The following BPIFC variants were observed in gnomAD, a reference collection of about 807,000 sequenced individuals.
BPIFC encodes BPI fold containing family C.
Under a neutral mutation model 57.6 loss-of-function variants are expected in BPIFC, and 60 were observed. The observed-to-expected ratio is 1.04, with a 90% CI of 0.85 to 1.29. BPIFC has a LOEUF of 1.29. Ranked by LOEUF, BPIFC falls within the 50% of genes most tolerant of loss-of-function variation. BPIFC has a pLI of 0.00. For synonymous variants in BPIFC, 243 were observed against 224.5 expected (o/e 1.08, Z -0.74); for missense variants, 581 against 600.5 (o/e 0.97, Z 0.34).
In BPIFC at chr22:32,414,455, T is replaced by C. The variant is rs954910574; in HGVS notation, c.1402-30A>G. ...AAAGGATGTGACAATGAAGATAACG[T>C]CAAAACTTGGGCATGTCTGGGTTTG... On this transcript the variant is annotated intron_variant, in intron 16 of 16. Coordinates refer to ENST00000300399, the MANE Select transcript of BPIFC (RefSeq NM_174932.3). 13 of 1,609,626 alleles carry C rather than the reference T, an allele frequency of 8.1e-6. No homozygotes were observed. The African/African-American group carries it at 9.4e-5, about 12-fold the overall frequency.
Position 32,420,335 on chromosome 22 carries a change from A to G in BPIFC, c.1218-931T>C, listed in dbSNP as rs1305757044. On this transcript the variant is annotated intron_variant, in intron 13 of 16. Coordinates refer to ENST00000300399, the MANE Select transcript of BPIFC (RefSeq NM_174932.3). ...TCCGTCTCAAAAAAAAAAAAAAAAA[A>G]TAGTTTTCAGGTTTCTGGCTCTGAA... 4.6e-5 allele frequency among the ~76,000 whole-genome samples: 3 copies of G among 64,666 alleles called. 1 individual carries two copies. The highest frequency in any genetic ancestry group is 1.0e-4 in the Non-Finnish European group (3 of 29,030). The allele number at this position is 64,666 out of a possible 152,430, so 42.4% of individuals were successfully genotyped here. A position where few individuals can be genotyped will look rare whatever the true frequency, so the allele number is the denominator to read the frequency against.
Position 32,414,388 on chromosome 22 carries a change from G to A in BPIFC, c.1439C>T (p.Thr480Ile), listed in dbSNP as rs1447358435. 3 of 1,614,046 alleles carry A rather than the reference G, an allele frequency of 1.9e-6. No individual in the cohort carries two copies. The highest frequency in any genetic ancestry group is 1.7e-5 in the Admixed American group (1 of 60,014). Residue 480 changes from threonine to isoleucine, a missense_variant, in exon 17 of 17, where the codon ACA becomes ATA. Coordinates refer to ENST00000300399, the MANE Select transcript of BPIFC (RefSeq NM_174932.3). ...LLISTDLKYE[T>I]SSKQQPSFHV... ...GAAACTTGGCTGCTGCTTTGAGGAT[G>A]TTTCATACTTCAGGTCGGTGGAAAT...
intron 12 of BPIFC, 25 bp from the exon 13 acceptor site, chr22:32,431,439 A>ATTTATTTATTTTTTTTTATTTTTTTT: frequency 7.4e-7 from 1 of 1,343,078 alleles, no homozygotes; most frequent in Non-Finnish European, 1.1e-6. Context: ...AGCATTTATT[A>ATTTATTTATTTTTTTTTATTTTTTTT]TTAAGACGAG....
At chr22:32,452,464 G>A (rs905019000) in intron 4 of BPIFC, among the ~76,000 whole-genome samples, 10 of 151,520 alleles carry the variant, frequency 6.6e-5, no homozygotes, top group Non-Finnish European at 8.8e-5. Context: ...GTGAAACCCC[G>A]TCTCTACTAA....
chr22:32,427,326 C>T (rs1934096287), intron 13 of BPIFC, among the ~76,000 whole-genome samples: 1 of 152,160 alleles, frequency 6.6e-6, no homozygotes, highest in East Asian at 1.9e-4. Flanking sequence ...GGTCTCCATG[C>T]TTCTTAAAGT....
At chr22:32,454,322 A>C (rs1398692366) in intron 3 of BPIFC, among the ~76,000 whole-genome samples, 3 of 152,210 alleles carry the variant, frequency 2.0e-5, no homozygotes, top group Non-Finnish European at 4.4e-5. Flanking sequence ...TGAAATTCTA[A>C]TAAAAAACTG....
intron 10 of BPIFC, among the ~76,000 whole-genome samples, chr22:32,434,817 C>G (rs1394284646): frequency 6.6e-6 from 1 of 152,072 alleles, no homozygotes; most frequent in Non-Finnish European, 1.5e-5. Context: ...TGAGGAGATT[C>G]AAAAAGAGAT....
At chr22:32,438,453 A>G (rs1934472141) in intron 8 of BPIFC, among the ~76,000 whole-genome samples, 1 of 152,194 alleles carries the variant, frequency 6.6e-6, no homozygotes, top group South Asian at 2.1e-4. Context: ...GTGCAGTGGT[A>G]CAATCTCAGC....
chr22:32,421,446 C>T (rs1933844542), intron 13 of BPIFC, among the ~76,000 whole-genome samples: 1 of 152,168 alleles, frequency 6.6e-6, no homozygotes, highest in South Asian at 2.1e-4. Flanking sequence ...CTATGGCTCA[C>T]TTTTGCCCAG....
chr22:32,446,047 G>A (rs377601551), intron 5 of BPIFC, 51 bp from the exon 6 acceptor site: 12 of 1,591,836 alleles, frequency 7.5e-6, no homozygotes, highest in Middle Eastern at 3.5e-4. Flanking sequence ...CACAGAGATG[G>A]ATCTTGTTTC....
intron 16 of BPIFC, 54 bp from the exon 17 acceptor site, chr22:32,414,479 T>A: frequency 1.9e-6 from 3 of 1,595,136 alleles, no homozygotes; most frequent in Non-Finnish European, 2.6e-6. Flanking sequence ...TGTCTGGGTT[T>A]GTCTGAGGCG....
chr22:32,432,955 C>T (rs1205198665), intron 11 of BPIFC, among the ~76,000 whole-genome samples: 3 of 152,140 alleles, frequency 2.0e-5, no homozygotes, highest in African/African-American at 7.2e-5. Context: ...GTAATCCTAG[C>T]ACGTTGGGAG....
Position 32,442,836 on chromosome 22 carries a change from C to G in BPIFC, c.595-105G>C, listed in dbSNP as rs1009841822. The G allele has an allele frequency of 1.8e-5, 19 of 1,053,566 alleles. No individual in the cohort carries two copies. The African/African-American group carries it at 2.2e-4, about 12-fold the overall frequency. 65.3% of individuals were successfully genotyped at this position (1,053,566 alleles called of 1,614,324 possible). ...AAACAAAGGCCTTCTGGTTAGCAGT[C>G]ATTATCCCTTTGGTCATCGAGACAT... is the stretch of plus-strand genomic sequence containing the variant. On this transcript the variant is annotated intron_variant, in intron 7 of 16. Coordinates refer to ENST00000300399, the MANE Select transcript of BPIFC (RefSeq NM_174932.3).
intron 10 of BPIFC, among the ~76,000 whole-genome samples, chr22:32,435,225 T>C (rs1386163499): frequency 1.3e-5 from 2 of 152,132 alleles, no homozygotes; most frequent in African/African-American, 2.4e-5. Context: ...CTTGCTATTA[T>C]TGGAGATTAA....
At chr22:32,439,325 A>G (rs1001175121) in intron 8 of BPIFC, among the ~76,000 whole-genome samples, 5 of 108,286 alleles carry the variant, frequency 4.6e-5, no homozygotes, top group African/African-American at 3.0e-4. Flanking sequence ...AACTCCGTCT[A>G]AAAAAAAAAA....
chr22:32,445,713 G>GGAA lies in BPIFC; in HGVS notation c.531-16_531-15insTTC. 1.4e-6 allele frequency: 1 copy of GGAA among 707,314 alleles called. No homozygotes were observed. The highest frequency in any genetic ancestry group is 3.9e-5 in the East Asian group (1 of 25,768). 43.8% of individuals were successfully genotyped at this position (707,314 alleles called of 1,614,324 possible). ...TATACAGAACACTGAGGAAAAAAAT[G>GGAA]AAAAAAAAAAAAAAAAAAAAAAGAG... On this transcript the variant is annotated splice_polypyrimidine_tract_variant and intron_variant, in intron 6 of 16. Transcript: ENST00000300399.
At chr22:32,455,292 T>C (rs763839888) in intron 3 of BPIFC, among the ~76,000 whole-genome samples, 18 of 151,994 alleles carry the variant, frequency 1.2e-4, no homozygotes, top group Non-Finnish European at 1.9e-4. Context: ...CTCGTGATCC[T>C]CCTGCCTCGG....
At chr22:32,433,793 T>C (rs1934313245) in intron 10 of BPIFC, 21 bp from the exon 11 acceptor site, 3 of 1,608,770 alleles carry the variant, frequency 1.9e-6, no homozygotes, top group Non-Finnish European at 1.7e-6. Flanking sequence ...AAGCCCATTA[T>C]GTCACTGTTA....
In BPIFC at chr22:32,446,808, C is replaced by T. The variant is rs530413366; in HGVS notation, c.374+404G>A. On this transcript the variant is annotated intron_variant, in intron 5 of 16. Transcript: ENST00000300399. ...GCTCAGGCTTAAGCTGACTACCATT[C>T]TTCAACCTCTGTGTGAGGGAGAAAG... is the stretch of plus-strand genomic sequence containing the variant. 8.1e-6 allele frequency: 8 copies of T among 985,402 alleles called. No individual in the cohort carries two copies. In the South Asian group the frequency reaches 3.3e-4, roughly 40 times the overall value. The allele number at this position is 985,402 out of a possible 1,614,324, so 61.0% of individuals were successfully genotyped here.
Sources: allele counts gnomAD v4.1 joint callset (sites outside exome capture counted in the v4.1 genomes callset), GRCh38; gene constraint gnomAD v4.1.1; transcripts MANE v1.5; gene names NCBI Gene and HGNC (gene_info 2026-07-23, HGNC 2026-07-21).